The following CWF19L2 variants were observed in gnomAD, a reference collection of about 807,000 sequenced individuals.
CWF19L2 encodes the protein CWF19-like protein 2.
Under a neutral mutation model 111.7 loss-of-function variants are expected in CWF19L2, and 98 were observed. The observed-to-expected ratio is 0.88, with a 90% CI of 0.75 to 1.04. CWF19L2 has a LOEUF of 1.04. Ranked by LOEUF, CWF19L2 falls within the 50% of genes least tolerant of loss-of-function variation. The pLI is 0.00. For synonymous variants in CWF19L2, 351 were observed against 342.9 expected, an observed-to-expected ratio of 1.02 and a Z score of -0.26; for missense variants, 1,101 against 1,051.4, an observed-to-expected ratio of 1.05 and a Z score of -0.65.
rs1331081346 is a variant in CWF19L2 at position 107,367,710 on chromosome 11, G to T, written c.1873-13974C>A. On this transcript the variant is annotated intron_variant, in intron 12 of 17. Transcript: ENST00000282251. ...GGGGAGGGGGGAGGGATAGCATTGG[G>T]AGATATACCTAATGCTAGATGACGA... Among the ~76,000 whole-genome samples, 2 of 104,890 alleles carry T rather than the reference G, an allele frequency of 1.9e-5. 1 individual carries two copies. The highest frequency in any genetic ancestry group is 4.1e-5 in the Non-Finnish European group (2 of 48,950). The allele number at this position is 104,890 out of a possible 152,430, so 68.8% of individuals were successfully genotyped here. A position where few individuals can be genotyped will look rare whatever the true frequency, so the allele number is the denominator to read the frequency against.
chr11:107,378,572 A>T (rs1309819476), intron 12 of CWF19L2, among the ~76,000 whole-genome samples: 2 of 152,172 alleles, frequency 1.3e-5, no homozygotes, highest in Non-Finnish European at 2.9e-5. Flanking sequence ...AACAATGAGA[A>T]CACATGGATA....
chr11:107,442,736 A>AAGGG (rs1861637313), intron 4 of CWF19L2, among the ~76,000 whole-genome samples: 1 of 22,758 alleles, frequency 4.4e-5, no homozygotes, highest in African/African-American at 1.5e-4. Context: ...GAAAGAAAGA[A>AAGGG]AGGAAGGAAG....
chr11:107,339,155 C>T (rs1208144193), intron 14 of CWF19L2, among the ~76,000 whole-genome samples: 1 of 152,170 alleles, frequency 6.6e-6, no homozygotes, highest in East Asian at 1.9e-4. Flanking sequence ...CAGGTTGTTT[C>T]ATGCATCAAC....
chr11:107,439,625 T>G (rs1861592359), intron 5 of CWF19L2, among the ~76,000 whole-genome samples: 1 of 152,162 alleles, frequency 6.6e-6, no homozygotes, highest in South Asian at 2.1e-4. Context: ...GCATTTTCTT[T>G]TTTTGTAGGG....
At chr11:107,411,818 G>A (rs920745606) in intron 10 of CWF19L2, among the ~76,000 whole-genome samples, 3 of 152,070 alleles carry the variant, frequency 2.0e-5, no homozygotes, top group Non-Finnish European at 2.9e-5. Flanking sequence ...AAATAGAAGA[G>A]TACTTATGAT....
chr11:107,362,151 C>T (rs967463364), intron 12 of CWF19L2, among the ~76,000 whole-genome samples: 34 of 152,096 alleles, frequency 2.2e-4, no homozygotes, highest in East Asian at 1.9e-4. Flanking sequence ...GATTATATCC[C>T]GCACCTGGCT....
chr11:107,442,843 AGAGG>A (rs1861649399), intron 4 of CWF19L2, 92 bp downstream of exon 4: 6 of 580,974 alleles, frequency 1.0e-5, no homozygotes, highest in South Asian at 1.9e-5. Context: ...AGAGGGACAG[AGAGG>A]GAGGGAGGGA....
In CWF19L2 at chr11:107,349,002, T is replaced by C. The variant is rs1309611548; in HGVS notation, c.2137A>G (p.Ile713Val). 5.6e-6 allele frequency: 9 copies of C among 1,611,164 alleles called. No individual in the cohort carries two copies. Among genetic ancestry groups the C allele is most frequent in the African/African-American group, 1.3e-5 (1 of 74,804 alleles). ...GCTCTATGGTGCTGCAAAGGGACTA[T>C]CAGGCAGTGCCCCTCAGTAAGAGAC... ...VRSLTEGHCL[I>V]VPLQHHRAAT... The change falls in exon 14 of 18, where the codon ATA becomes GTA. Residue 713 changes from isoleucine (I) to valine (V), a missense_variant. Physicochemically the swap from Ile to Val is conservative, Grantham distance 29. Coordinates refer to ENST00000282251, the MANE Select transcript of CWF19L2 (RefSeq NM_152434.3).
chr11:107,375,513 G>C (rs1860584875), intron 12 of CWF19L2, among the ~76,000 whole-genome samples: 2 of 138,134 alleles, frequency 1.4e-5, no homozygotes, highest in South Asian at 5.0e-4. Flanking sequence ...ACCTGCTCCT[G>C]AATGACTACT....
intron 10 of CWF19L2, among the ~76,000 whole-genome samples, chr11:107,395,496 T>C (rs1435993122): frequency 2.0e-5 from 3 of 152,242 alleles, no homozygotes; most frequent in Non-Finnish European, 4.4e-5. Flanking sequence ...TATGATTATT[T>C]TTTATTGTAT....
intron 12 of CWF19L2, among the ~76,000 whole-genome samples, chr11:107,360,671 T>C (rs1565252541): frequency 6.6e-6 from 1 of 152,236 alleles, no homozygotes; most frequent in East Asian, 1.9e-4. Flanking sequence ...TTTTTAATAG[T>C]AGCCATTCTG....
chr11:107,379,147 A>T (rs2134581403), intron 12 of CWF19L2, among the ~76,000 whole-genome samples: 1 of 152,348 alleles, frequency 6.6e-6, no homozygotes, highest in African/African-American at 2.4e-5. Flanking sequence ...GTTGAGAGAC[A>T]ATTATAAGTA....
chr11:107,385,653 T>C (rs1860753881), intron 12 of CWF19L2, among the ~76,000 whole-genome samples: 1 of 152,252 alleles, frequency 6.6e-6, no homozygotes, highest in South Asian at 2.1e-4. Flanking sequence ...TGCAGTCAAC[T>C]GTGGTTTGAA....
chr11:107,430,058 C>G (rs1291169139), intron 7 of CWF19L2, among the ~76,000 whole-genome samples: 1 of 151,514 alleles, frequency 6.6e-6, no homozygotes, highest in African/African-American at 2.4e-5. Context: ...AAAGATGGAG[C>G]AAAGATGATG....
chr11:107,420,537 C>CCT (rs1440272383), intron 8 of CWF19L2, among the ~76,000 whole-genome samples: 1 of 151,962 alleles, frequency 6.6e-6, no homozygotes, highest in Admixed American at 6.6e-5. Flanking sequence ...AATTTCAATA[C>CCT]CTCTCTCTCA....
chr11:107,396,682 G>A (rs1860926508), intron 10 of CWF19L2, among the ~76,000 whole-genome samples: 2 of 152,300 alleles, frequency 1.3e-5, no homozygotes, highest in Non-Finnish European at 1.5e-5. Context: ...GGCAAGACTA[G>A]ATTGTAGCTC....
chr11:107,452,550 A>G (rs1297593269), intron 3 of CWF19L2, among the ~76,000 whole-genome samples: 1 of 152,250 alleles, frequency 6.6e-6, no homozygotes, highest in Non-Finnish European at 1.5e-5. Context: ...TCCTTCCAAT[A>G]GGGAAAATTC....
chr11:107,457,597 AAT>A, intron 1 of CWF19L2, 113 bp downstream of exon 1: 1 of 728,364 alleles, frequency 1.4e-6, no homozygotes, highest in South Asian at 1.8e-5. Context: ...AACTCACCCA[AAT>A]TAAGGTGAGA....
intron 3 of CWF19L2, among the ~76,000 whole-genome samples, chr11:107,446,251 C>A (rs766611727): frequency 6.6e-6 from 1 of 152,168 alleles, no homozygotes; most frequent in East Asian, 1.9e-4. Flanking sequence ...GTTTCATCTC[C>A]ATTCACCCCC....
Sources: gnomAD v4.1 joint callset for allele counts (sites outside exome capture counted in the v4.1 genomes callset) on GRCh38, gnomAD v4.1.1 for gene constraint, MANE v1.5 for transcripts, NCBI Gene and HGNC (gene_info 2026-07-23, HGNC 2026-07-21) for gene names.